The following AGTPBP1 variants were observed in gnomAD, a reference collection of about 807,000 sequenced individuals.
AGTPBP1 encodes cytosolic carboxypeptidase 1.
A neutral mutation model predicts 143.9 loss-of-function variants in AGTPBP1; 70 were observed. That is an observed-to-expected ratio of 0.49 (90% CI 0.40 to 0.59). AGTPBP1 has a LOEUF of 0.59. Ranked by LOEUF, AGTPBP1 falls within the 20% of genes least tolerant of loss-of-function variation. AGTPBP1 has a pLI of 0.00. For missense variants in AGTPBP1, 1,229 were observed against 1,464.5 expected (o/e 0.84, Z 2.62); for synonymous variants, 463 against 500.2 (o/e 0.93, Z 0.99).
At chr9:85,795,857 T>TG in the AGTPBP1 span, among the ~76,000 whole-genome samples, 2 of 50,366 alleles carry the variant, frequency 4.0e-5, no homozygotes, top group Non-Finnish European at 7.1e-5. Flanking sequence ...TTCTTCTTAG[T>TG]TTTTTTTTTT....
At position 85,642,937 on chromosome 9, in the gene AGTPBP1, C is replaced by A; in HGVS notation, c.1192G>T (p.Asp398Tyr). 1 of 1,607,970 alleles carries A rather than the reference C, an allele frequency of 6.2e-7. No individual in the cohort carries two copies. Residue 398 changes from aspartate (D) to tyrosine (Y), a missense_variant, in exon 13 of 26, where the codon GAT becomes TAT. Physicochemically the swap from Asp to Tyr is radical, Grantham distance 160. Transcript: ENST00000357081. ...AGTTTGTTAATATCTGTTTCAATAT[C>A]ATCATTCTGAAATGATAAAAAGAGT... ...DDLDQNFKND[D>Y]IETDINKLKP...
intron 8 of AGTPBP1, among the ~76,000 whole-genome samples, chr9:85,666,168 TGA>T (rs1834120544): frequency 6.6e-6 from 1 of 152,156 alleles, no homozygotes. Context: ...CAGGTACTAA[TGA>T]AGTGACATCT....
At chr9:85,706,830 C>T (rs1006594932) in intron 2 of AGTPBP1, among the ~76,000 whole-genome samples, 5 of 150,886 alleles carry the variant, frequency 3.3e-5, no homozygotes, top group African/African-American at 7.3e-5. Context: ...GAGCCGACAT[C>T]GCGCCACTGC....
At chr9:85,600,933 G>C (rs1376500780) in intron 17 of AGTPBP1, among the ~76,000 whole-genome samples, 2 of 152,120 alleles carry the variant, frequency 1.3e-5, no homozygotes, top group East Asian at 3.9e-4. Context: ...AAGCTGTCAT[G>C]CATTTGCACG....
At position 85,668,967 on chromosome 9, in the gene AGTPBP1, A is replaced by ATATGTGTGTG. The variant is rs1491203442; in HGVS notation, c.662+517_662+518insCACACACATA. Among the ~76,000 whole-genome samples the ATATGTGTGTG allele has an allele frequency of 2.5e-3, 289 of 114,436 alleles. 8 individuals are homozygous for ATATGTGTGTG. Among genetic ancestry groups the ATATGTGTGTG allele is most frequent in the African/African-American group, 8.5e-3 (271 of 31,712 alleles). The allele number at this position is 114,436 out of a possible 152,430, so 75.1% of individuals were successfully genotyped here. ...TGAATAAAAATACATACATACATACATGTGTGTGTGTGTGTGTGTGTGTGT... is the reference window on the plus strand; with the variant it reads ...TGAATAAAAATACATACATACATACATATGTGTGTGTGTGTGTGTGTGTGTGTGTGTGTGT... On this transcript the variant is annotated intron_variant, in intron 8 of 25. Transcript: ENST00000357081.
intron 13 of AGTPBP1, among the ~76,000 whole-genome samples, chr9:85,642,170 G>C (rs897418185): frequency 6.6e-6 from 1 of 152,100 alleles, no homozygotes; most frequent in Non-Finnish European, 1.5e-5. Flanking sequence ...TTAAGATCCT[G>C]GGCGATTTCA....
the AGTPBP1 span, chr9:85,764,846 A>G: frequency 7.7e-7 from 1 of 1,306,954 alleles, no homozygotes; most frequent in Non-Finnish European, 1.1e-6. Flanking sequence ...AGTCCTCCAG[A>G]AAGAAAAGGA....
intron 25 of AGTPBP1, among the ~76,000 whole-genome samples, chr9:85,552,629 T>C (rs1328406509): frequency 6.6e-6 from 1 of 152,174 alleles, no homozygotes; most frequent in African/African-American, 2.4e-5. Flanking sequence ...GTCTCACCCA[T>C]CTCACAAAGT....
intron 1 of AGTPBP1, among the ~76,000 whole-genome samples, chr9:85,720,407 G>C (rs1410125093): frequency 6.6e-6 from 1 of 152,056 alleles, no homozygotes; most frequent in Non-Finnish European, 1.5e-5. Context: ...TATGTGTCCA[G>C]GAATTTATCC....
the AGTPBP1 span, among the ~76,000 whole-genome samples, chr9:85,759,296 AC>A: frequency 6.6e-6 from 1 of 152,110 alleles, no homozygotes; most frequent in African/African-American, 2.4e-5. Flanking sequence ...AGAACTTTCC[AC>A]CCCACATCAA....
At chr9:85,741,340 T>C in intron 1 of AGTPBP1, 1 of 985,344 alleles carries the variant, frequency 1.0e-6, no homozygotes, top group Non-Finnish European at 1.2e-6. Context: ...AGCGGCCCGC[T>C]ACCACTGGGG....
At chr9:85,774,742 A>G in the AGTPBP1 span, among the ~76,000 whole-genome samples, 73 of 152,320 alleles carry the variant, frequency 4.8e-4, no homozygotes, top group East Asian at 0.012. Context: ...AATAGATCAA[A>G]AGGGATCTAG....
At chr9:85,677,054 TAAG>T (rs763005370) in intron 6 of AGTPBP1, among the ~76,000 whole-genome samples, 5 of 152,120 alleles carry the variant, frequency 3.3e-5, no homozygotes, top group African/African-American at 4.8e-5. Flanking sequence ...GAGCGGGAGA[TAAG>T]GAGGAGTTTG....
At chr9:85,577,373 T>A (rs1378770266) in intron 24 of AGTPBP1, among the ~76,000 whole-genome samples, 1 of 152,208 alleles carries the variant, frequency 6.6e-6, no homozygotes, top group Non-Finnish European at 1.5e-5. Context: ...AGAAATCACC[T>A]ATATTCTTAT....
At chr9:85,696,796 C>T (rs901649850) in intron 2 of AGTPBP1, among the ~76,000 whole-genome samples, 5 of 152,132 alleles carry the variant, frequency 3.3e-5, no homozygotes, top group South Asian at 2.1e-4. Flanking sequence ...GATAGACCAA[C>T]GGATTTTAAT....
chr9:85,667,706 A>C (rs754439074), intron 8 of AGTPBP1, among the ~76,000 whole-genome samples: 2 of 152,130 alleles, frequency 1.3e-5, no homozygotes, highest in Admixed American at 6.6e-5. Context: ...ATATACTCAT[A>C]TGTTAAATAA....
chr9:85,635,093 T>C (rs756558195), intron 13 of AGTPBP1, among the ~76,000 whole-genome samples: 7 of 152,252 alleles, frequency 4.6e-5, no homozygotes, highest in Non-Finnish European at 8.8e-5. Context: ...AACTTTTTTG[T>C]TCCTGGATAC....
chr9:85,763,786 G>A, the AGTPBP1 span, among the ~76,000 whole-genome samples: 1 of 152,116 alleles, frequency 6.6e-6, no homozygotes. Flanking sequence ...CCGTCTGGGA[G>A]TAGGATTCAA....
intron 2 of AGTPBP1, among the ~76,000 whole-genome samples, chr9:85,705,284 T>TA (rs1836910368): frequency 6.7e-6 from 1 of 148,456 alleles, no homozygotes; most frequent in African/African-American, 2.5e-5. Context: ...CAGTGATTTT[T>TA]AAAAGAAAAT....
Sources: allele counts gnomAD v4.1 joint callset (sites outside exome capture counted in the v4.1 genomes callset), GRCh38; gene constraint gnomAD v4.1.1; transcripts MANE v1.5; gene names NCBI Gene and HGNC (gene_info 2026-07-23, HGNC 2026-07-21).